Variants in CNTRL observed in about 807,000 individuals in gnomAD.
The protein encoded by CNTRL is 110 kDa centrosomal protein.
Under a neutral mutation model 303.7 loss-of-function variants are expected in CNTRL, and 233 were observed. The ratio of observed to expected loss-of-function variants is 0.77; its 90% CI spans 0.69 to 0.86. The LOEUF (loss-of-function observed/expected upper bound fraction) is 0.86, where lower values mean the gene tolerates loss of function less well. Ranked by LOEUF, CNTRL falls within the 40% of genes least tolerant of loss-of-function variation. The pLI is 0.00. For synonymous variants in CNTRL, 900 were observed against 922.2 expected, an observed-to-expected ratio of 0.98 and a Z score of 0.44; for missense variants, 2,524 against 2,650.6, an observed-to-expected ratio of 0.95 and a Z score of 1.05.
intron 15 of CNTRL, among the ~76,000 whole-genome samples, chr9:121,136,318 CT>C (rs898226946): frequency 5.4e-5 from 8 of 148,850 alleles, no homozygotes; most frequent in Admixed American, 6.7e-5. Flanking sequence ...GGTTTAAGGA[CT>C]TTTTTTTTTG....
Position 121,162,178 on chromosome 9 carries a change from C to T in CNTRL, c.5330C>T (p.Ala1777Val), listed in dbSNP as rs1172125057. The change falls in exon 34 of 44, where the codon GCT becomes GTT. Residue 1777 changes from alanine (A) to valine (V), a missense_variant. Ala to Val is a moderately conservative substitution (Grantham distance 64). Transcript: ENST00000373855. ...GAACGAATGACTGCTGAGTCCCGAGCTTTACAATCGTGTGTTGAGTGTTTG... is the reference window on the plus strand; with the variant it reads ...GAACGAATGACTGCTGAGTCCCGAGTTTTACAATCGTGTGTTGAGTGTTTG... ...EIERMTAESR[A>V]LQSCVECLSK... 2.0e-5 allele frequency: 33 copies of T among 1,614,110 alleles called. No individual in the cohort carries two copies. Among genetic ancestry groups the T allele is most frequent in the Non-Finnish European group, 2.8e-5 (33 of 1,180,020 alleles).
intron 11 of CNTRL, 54 bp from the exon 12 acceptor site, chr9:121,118,292 T>C (rs41273412): frequency 0.1 from 129,409 of 1,299,484 alleles, 7,029 homozygotes; most frequent in Non-Finnish European, 0.11. Context: ...ATTGTCTTAA[T>C]AAATCAGTGT....
At position 121,143,911 on chromosome 9, in the gene CNTRL, TGAA is replaced by T; in HGVS notation, c.2883_2885del (p.Glu961del). ...TATTTCTTTTATTTTAGAAGAAACTTGAAGATGCCAAATCTCAGGAGCAAGTTT... is the reference window on the plus strand; with the variant it reads ...TATTTCTTTTATTTTAGAAGAAACTTGATGCCAAATCTCAGGAGCAAGTTT... On this transcript the variant is annotated inframe_deletion, in exon 20 of 44. Coordinates refer to ENST00000373855, the MANE Select transcript of CNTRL (RefSeq NM_007018.6). The T allele has an allele frequency of 6.3e-7, 1 of 1,587,890 alleles. No individual in the cohort carries two copies. The highest frequency in any genetic ancestry group is 8.5e-7 in the Non-Finnish European group (1 of 1,172,928).
chr9:121,076,008 T>G (rs544744474), intron 1 of CNTRL, among the ~76,000 whole-genome samples: 1 of 152,218 alleles, frequency 6.6e-6, no homozygotes, highest in African/African-American at 2.4e-5. Context: ...CTTTGAGGAT[T>G]TAAATTTGGT....
intron 2 of CNTRL, among the ~76,000 whole-genome samples, chr9:121,082,512 C>G (rs991082772): frequency 6.6e-6 from 1 of 152,110 alleles, no homozygotes; most frequent in Non-Finnish European, 1.5e-5. Flanking sequence ...CTGTAAGATG[C>G]GTTGTTAGAC....
At chr9:121,113,373 T>C in intron 9 of CNTRL, 129 bp from the exon 10 acceptor site, 1 of 515,526 alleles carries the variant, frequency 1.9e-6, no homozygotes, top group Non-Finnish European at 3.4e-6. Flanking sequence ...ATCTTTCAGC[T>C]CCTAGGCATG....
At chr9:121,097,613 C>T (rs2048944960) in intron 6 of CNTRL, among the ~76,000 whole-genome samples, 1 of 152,172 alleles carries the variant, frequency 6.6e-6, no homozygotes, top group South Asian at 2.1e-4. Flanking sequence ...AGCCCAACCC[C>T]ATGTTGTACA....
At position 121,096,422 on chromosome 9, in the gene CNTRL, CA is replaced by C; in HGVS notation, c.484del (p.Ile162LeufsTer4). 1 of 1,512,356 alleles carries C rather than the reference CA, an allele frequency of 6.6e-7. No individual in the cohort carries two copies. The highest frequency in any genetic ancestry group is 8.9e-7 in the Non-Finnish European group (1 of 1,125,798). 93.7% of individuals were successfully genotyped at this position (1,512,356 alleles called of 1,614,324 possible). ...ELNLSYNKISKIEGIENMCNL... is the reference protein window; with the variant it reads ...ELNLSYNKISXIEGIENMCNL... Reference sequence around the variant, plus strand: ...TTTTATTTTATCCTTTGCTTTCCAGCAAAATTGAAGGCATAGAAAATATGTG... The same window carrying C: ...TTTTATTTTATCCTTTGCTTTCCAGCAAATTGAAGGCATAGAAAATATGTG... On this transcript the variant is annotated frameshift_variant and splice_region_variant, in exon 6 of 44. Transcript: ENST00000373855. LOFTEE classifies it high-confidence loss of function.
At position 121,144,858 on chromosome 9, in the gene CNTRL, G is replaced by C; in HGVS notation, c.3067G>C (p.Glu1023Gln). Residue 1023 changes from glutamate to glutamine, a missense_variant, in exon 21 of 44, where the codon GAG (glutamate) becomes CAG (glutamine). By Grantham distance (29) the Glu-to-Gln change is conservative. Transcript: ENST00000373855. ...GTCCCAGTAGGAGTTGCAGGAAGCA[G>C]AGAGGTTCAGCAGAAAGGCAGCACA... is the stretch of plus-strand genomic sequence containing the variant. ...QERAEELQEAERFSRKAAQAA... is the reference protein window; with the variant it reads ...QERAEELQEAQRFSRKAAQAA... 1 of 1,613,254 alleles carries C rather than the reference G, an allele frequency of 6.2e-7. No homozygotes were observed. The highest frequency in any genetic ancestry group is 8.5e-7 in the Non-Finnish European group (1 of 1,179,908).
intron 24 of CNTRL, among the ~76,000 whole-genome samples, chr9:121,149,737 CTA>C (rs2052107063): frequency 6.6e-6 from 1 of 152,124 alleles, no homozygotes; most frequent in African/African-American, 2.4e-5. Context: ...CTGCTGTGTG[CTA>C]GGTTCTCTGT....
chr9:121,082,949 G>A lies in CNTRL; in HGVS notation c.-32+2471G>A, dbSNP rs1480547983. Among the ~76,000 whole-genome samples the A allele has an allele frequency of 3.0e-5, 4 of 132,992 alleles. No individual in the cohort carries two copies. In the East Asian group the frequency reaches 8.9e-4, roughly 30 times the overall value. 87.2% of individuals were successfully genotyped at this position (132,992 alleles called of 152,430 possible). A position where few individuals can be genotyped will look rare whatever the true frequency, so the allele number is the denominator to read the frequency against. On this transcript the variant is annotated intron_variant, in intron 2 of 43. Coordinates refer to ENST00000373855, the MANE Select transcript of CNTRL (RefSeq NM_007018.6). ...CGTGCCACTGCACACCAGCCTGGGCGACAGAGGGAGACTCCCTCTCAAAAA... is the reference window on the plus strand; with the variant it reads ...CGTGCCACTGCACACCAGCCTGGGCAACAGAGGGAGACTCCCTCTCAAAAA...
intron 8 of CNTRL, among the ~76,000 whole-genome samples, chr9:121,110,204 C>T (rs550116560): frequency 2.0e-5 from 3 of 152,180 alleles, no homozygotes; most frequent in Non-Finnish European, 2.9e-5. Context: ...ACTCTTTGTC[C>T]TTTTGCAAAT....
At chr9:121,130,913 C>T (rs980988618) in intron 14 of CNTRL, among the ~76,000 whole-genome samples, 3 of 152,048 alleles carry the variant, frequency 2.0e-5, no homozygotes, top group East Asian at 1.9e-4. Flanking sequence ...AGGAGCAGGT[C>T]GTTTAGTTTC....
intron 14 of CNTRL, among the ~76,000 whole-genome samples, chr9:121,128,670 CT>C (rs1189028241): frequency 6.6e-6 from 1 of 152,158 alleles, no homozygotes; most frequent in Non-Finnish European, 1.5e-5. Flanking sequence ...TCTATTTTGG[CT>C]TTTGTTGCCA....
chr9:121,167,266 A>G (rs1345669527), intron 36 of CNTRL, among the ~76,000 whole-genome samples: 1 of 151,848 alleles, frequency 6.6e-6, no homozygotes, highest in Non-Finnish European at 1.5e-5. Context: ...AGCCGAGATC[A>G]TGCCACTGCA....
Position 121,112,455 on chromosome 9 carries a change from A to G in CNTRL, c.1003-4A>G, listed in dbSNP as rs1034252128. On this transcript the variant is annotated splice_polypyrimidine_tract_variant and splice_region_variant and intron_variant, in intron 8 of 43. Transcript: ENST00000373855. ...TGTTGTCTCATATCAAATTGGGCCAATAGCTAAAACAGAAGACCATAGAAT... is the reference window on the plus strand; with the variant it reads ...TGTTGTCTCATATCAAATTGGGCCAGTAGCTAAAACAGAAGACCATAGAAT... The G allele has an allele frequency of 1.9e-6, 3 of 1,612,272 alleles. No homozygotes were observed. Among genetic ancestry groups the G allele is most frequent in the South Asian group, 1.1e-5 (1 of 90,998 alleles).
intron 2 of CNTRL, among the ~76,000 whole-genome samples, chr9:121,087,895 G>A (rs558589896): frequency 2.4e-4 from 36 of 152,244 alleles, no homozygotes; most frequent in Admixed American, 4.6e-4. Context: ...AGGAGAATGC[G>A]GTGTCCCAGA....
intron 14 of CNTRL, among the ~76,000 whole-genome samples, chr9:121,132,974 A>G (rs2050955474): frequency 1.3e-5 from 2 of 152,308 alleles, no homozygotes; most frequent in East Asian, 1.9e-4. Context: ...GAGGCTGCAG[A>G]ACAGCAAATA....
intron 39 of CNTRL, among the ~76,000 whole-genome samples, chr9:121,170,962 G>A (rs1208967876): frequency 6.6e-6 from 1 of 152,162 alleles, no homozygotes; most frequent in Non-Finnish European, 1.5e-5. Context: ...CAAGGGGGAG[G>A]ATTTTTCCAC....
Sources: gnomAD v4.1 joint callset for allele counts (sites outside exome capture counted in the v4.1 genomes callset) on GRCh38, gnomAD v4.1.1 for gene constraint, MANE v1.5 for transcripts, NCBI Gene and HGNC (gene_info 2026-07-23, HGNC 2026-07-21) for gene names.